Variants in FSD2 observed in about 807,000 individuals in gnomAD.
The protein encoded by FSD2 is fibronectin type III and SPRY domain-containing protein 2.
FSD2 carries 71 observed loss-of-function variants against 80.4 expected under a neutral mutation model. The ratio of observed to expected loss-of-function variants is 0.88; its 90% CI spans 0.73 to 1.08. The LOEUF (loss-of-function observed/expected upper bound fraction) is 1.08. Among genes scored for constraint, FSD2 ranks in the 50% least tolerant of loss-of-function variants. The probability of loss-of-function intolerance (pLI) is 0.00; values close to 1 mark genes in which losing one functional copy is unlikely to be tolerated. For synonymous variants in FSD2, 361 were observed against 329.5 expected, an observed-to-expected ratio of 1.10 and a Z score of -1.03; for missense variants, 923 against 913.8, an observed-to-expected ratio of 1.01 and a Z score of -0.13.
intron 12 of FSD2, among the ~76,000 whole-genome samples, 169 bp from the exon 13 acceptor site, chr15:82,759,769 C>G (rs958422115): frequency 7.2e-5 from 11 of 151,854 alleles, no homozygotes; most frequent in African/African-American, 2.7e-4. Flanking sequence ...TAAACTATCT[C>G]TTTTCTAAAA....
At position 82,787,366 on chromosome 15, in the gene FSD2, G is replaced by A. The variant is rs2050028607; in HGVS notation, c.25C>T (p.Leu9=). 1.2e-6 allele frequency: 2 copies of A among 1,609,328 alleles called. No individual in the cohort carries two copies. ...TTGGGAGTAGACCTGTCCAGCCCCA[G>A]TTCCTCCCCCGATTCCTCCTCCATT... is the stretch of plus-strand genomic sequence containing the variant. MEEESGEE[L]GLDRSTPKDF... The change falls in exon 2 of 13, where the codon CTG becomes TTG. Residue 9 remains leucine (L), a synonymous_variant. Coordinates refer to ENST00000334574, the MANE Select transcript of FSD2 (RefSeq NM_001007122.4).
At position 82,757,049 on chromosome 15, in the gene FSD2, T is replaced by A. The variant is rs1045198740; in HGVS notation, c.*2299A>T. 17 of 152,196 alleles carry A rather than the reference T, an allele frequency of 1.1e-4. No homozygotes were observed. The highest frequency in any genetic ancestry group is 2.2e-4 in the Non-Finnish European group (15 of 68,034). 9.4% of individuals were successfully genotyped at this position (152,196 alleles called of 1,614,324 possible). A position where few individuals can be genotyped will look rare whatever the true frequency, so the allele number is the denominator to read the frequency against. ...GTTTTGCTTGGTTCTGTTCTAGATGTTTTCTTCTAAATAAATGAGAAAGAT... is the reference window on the plus strand; with the variant it reads ...GTTTTGCTTGGTTCTGTTCTAGATGATTTCTTCTAAATAAATGAGAAAGAT... On this transcript the variant is annotated 3_prime_UTR_variant, in exon 13 of 13. Coordinates refer to ENST00000334574, the MANE Select transcript of FSD2 (RefSeq NM_001007122.4).
intron 6 of FSD2, among the ~76,000 whole-genome samples, chr15:82,777,850 T>TAAA (rs34779936): frequency 2.3e-5 from 3 of 130,574 alleles, no homozygotes; most frequent in African/African-American, 2.9e-5. Context: ...CTTTCTCAAT[T>TAAA]AAAAAAAAAA....
chr15:82,787,689 A>G (rs972408608), intron 1 of FSD2, among the ~76,000 whole-genome samples: 4 of 151,934 alleles, frequency 2.6e-5, no homozygotes, highest in African/African-American at 4.8e-5. Context: ...TGTCTAATAG[A>G]TATGTCCAAC....
Position 82,787,306 on chromosome 15 carries a change from A to G in FSD2, c.85T>C (p.Ser29Pro). The change falls in exon 2 of 13, where the codon TCT (serine) becomes CCT (proline). Residue 29 changes from serine (S) to proline (P), a missense_variant. Transcript: ENST00000334574. ...FHFYHMDLYD[S>P]EDRLHLFPEE... ...GGAAAGAGGTGCAGTCTGTCTTCAG[A>G]GTCATACAGGTCCATGTGGTAAAAG... 1 of 1,613,858 alleles carries G rather than the reference A, an allele frequency of 6.2e-7. No homozygotes were observed. The highest frequency in any genetic ancestry group is 8.5e-7 in the Non-Finnish European group (1 of 1,179,862).
chr15:82,761,746 G>C (rs999481533), intron 12 of FSD2, among the ~76,000 whole-genome samples: 1 of 151,110 alleles, frequency 6.6e-6, no homozygotes, highest in Admixed American at 6.6e-5. Flanking sequence ...GAAGTCCAGG[G>C]CTCAAACAAT....
At chr15:82,802,405 C>T (rs936878052) in intron 1 of FSD2, among the ~76,000 whole-genome samples, 2 of 152,212 alleles carry the variant, frequency 1.3e-5, no homozygotes, top group Admixed American at 1.3e-4. Flanking sequence ...TCCTGAATCC[C>T]TTGTTGTAGT....
intron 12 of FSD2, among the ~76,000 whole-genome samples, chr15:82,761,558 C>G (rs1422498998): frequency 6.6e-6 from 1 of 152,190 alleles, no homozygotes; most frequent in African/African-American, 2.4e-5. Context: ...GGAATGAAAT[C>G]TTTGGAACCA....
intron 1 of FSD2, among the ~76,000 whole-genome samples, chr15:82,803,674 T>C (rs2050465438): frequency 1.3e-5 from 2 of 152,068 alleles, no homozygotes; most frequent in Non-Finnish European, 2.9e-5. Flanking sequence ...ATCCACCCCC[T>C]CCAGCACCAA....
intron 9 of FSD2, among the ~76,000 whole-genome samples, 195 bp downstream of exon 9, chr15:82,768,685 A>C (rs1267401550): frequency 6.6e-6 from 1 of 152,216 alleles, no homozygotes; most frequent in East Asian, 1.9e-4. Context: ...GGTTCAACCA[A>C]CTTATTCATT....
Position 82,798,015 on chromosome 15 carries a change from G to A in FSD2, c.-79+7951C>T, listed in dbSNP as rs1447867890. The stretch of plus-strand genomic sequence containing the variant: ...TGTATTTTTGTAGAGAAGTATCATA[G>A]ATGACCAACAAAAGACTTTCCAAGC... On this transcript the variant is annotated intron_variant, in intron 1 of 12. Coordinates refer to ENST00000334574, the MANE Select transcript of FSD2 (RefSeq NM_001007122.4). Among the ~76,000 whole-genome samples, 3 of 151,996 alleles carry A rather than the reference G, an allele frequency of 2.0e-5. No homozygotes were observed. The East Asian group carries it at 5.8e-4, about 29-fold the overall frequency.
At chr15:82,782,104 T>TAATAATAAAAAAAAA (rs749972634) in intron 4 of FSD2, among the ~76,000 whole-genome samples, 4 of 118,906 alleles carry the variant, frequency 3.4e-5, no homozygotes, top group African/African-American at 1.2e-4. Flanking sequence ...ATAATAATAA[T>TAATAATAAAAAAAAA]AAAACTCTTG....
intron 3 of FSD2, among the ~76,000 whole-genome samples, chr15:82,785,318 T>A (rs1429663747): frequency 6.9e-6 from 1 of 144,924 alleles, no homozygotes; most frequent in Non-Finnish European, 1.5e-5. Flanking sequence ...TTTATTTATT[T>A]ATTTATTTAT....
intron 1 of FSD2, among the ~76,000 whole-genome samples, chr15:82,793,401 G>A (rs1243263073): frequency 6.6e-6 from 1 of 151,872 alleles, no homozygotes; most frequent in Admixed American, 6.6e-5. Flanking sequence ...ATCAATTCAT[G>A]TATTAGTAAC....
intron 1 of FSD2, among the ~76,000 whole-genome samples, chr15:82,792,138 TG>T (rs2050167236): frequency 6.6e-6 from 1 of 152,210 alleles, no homozygotes; most frequent in Non-Finnish European, 1.5e-5. Context: ...CACCTCAGAG[TG>T]GGATCACTGG....
chr15:82,781,621 A>T (rs954410798), intron 4 of FSD2, among the ~76,000 whole-genome samples: 1 of 152,180 alleles, frequency 6.6e-6, no homozygotes, highest in Admixed American at 6.5e-5. Flanking sequence ...AAAATTAGGA[A>T]ATGGATTTTT....
chr15:82,777,987 T>C (rs772306313), intron 6 of FSD2, among the ~76,000 whole-genome samples: 1 of 149,924 alleles, frequency 6.7e-6, no homozygotes, highest in Non-Finnish European at 1.5e-5. Flanking sequence ...AAATTAAAAA[T>C]AAGCTGGTTG....
rs1016177252 is a variant in FSD2 at position 82,787,515 on chromosome 15, G to A, written c.-78-47C>T. 1.7e-5 allele frequency: 15 copies of A among 870,982 alleles called. No individual in the cohort carries two copies. In the Admixed American group the frequency reaches 1.9e-4, roughly 11 times the overall value. 54.0% of individuals were successfully genotyped at this position (870,982 alleles called of 1,614,324 possible). Reference sequence around the variant, plus strand: ...AAAATCATTTCTGGAGAAGGGCATTGCAGTAGATGATCATTAGATTGGGCT... The same window carrying A: ...AAAATCATTTCTGGAGAAGGGCATTACAGTAGATGATCATTAGATTGGGCT... On this transcript the variant is annotated intron_variant, in intron 1 of 12. Transcript: ENST00000334574.
chr15:82,795,264 T>A (rs749173212), intron 1 of FSD2, among the ~76,000 whole-genome samples: 1 of 152,236 alleles, frequency 6.6e-6, no homozygotes, highest in African/African-American at 2.4e-5. Flanking sequence ...TGATTCATTA[T>A]GAGAAGTTTC....
Sources: allele counts gnomAD v4.1 joint callset (sites outside exome capture counted in the v4.1 genomes callset), GRCh38; gene constraint gnomAD v4.1.1; transcripts MANE v1.5; gene names NCBI Gene and HGNC (gene_info 2026-07-23, HGNC 2026-07-21).